The following CNBD1 variants were observed in gnomAD, a reference collection of about 807,000 sequenced individuals.
CNBD1 encodes cyclic nucleotide-binding domain-containing protein 1.
Under a neutral mutation model 54.4 loss-of-function variants are expected in CNBD1, and 71 were observed. The ratio of observed to expected loss-of-function variants is 1.30; its 90% CI spans 1.08 to 1.59. The LOEUF is 1.59. CNBD1 is among the 40% of genes most tolerant of loss of function. The probability of loss-of-function intolerance (pLI) is 0.00; values close to 1 mark genes in which losing one functional copy is unlikely to be tolerated. For missense variants in CNBD1, 659 were observed against 518.0 expected (o/e 1.27, Z -2.64); for synonymous variants, 182 against 170.7 (o/e 1.07, Z -0.51).
intron 3 of CNBD1, among the ~76,000 whole-genome samples, chr8:86,924,304 A>C (rs893961708): frequency 2.6e-5 from 4 of 152,148 alleles, no homozygotes; most frequent in African/African-American, 9.7e-5. Context: ...ACAATTAGTA[A>C]TAATTGTAGG....
In CNBD1 at chr8:87,185,994, G is replaced by A. The variant is rs73265808; in HGVS notation, c.432-19999G>A. ...TAGTTTTTAACTTTATTTGTTCCTC[G>A]TTTCCAAGGTTTACTGTTTGTCTTT... On this transcript the variant is annotated intron_variant, in intron 4 of 10. Coordinates refer to ENST00000518476, the MANE Select transcript of CNBD1 (RefSeq NM_173538.3). 7.4e-3 allele frequency among the ~76,000 whole-genome samples: 1,119 copies of A among 151,918 alleles called. 10 individuals carry two copies. Among genetic ancestry groups the A allele is most frequent in the African/African-American group, 0.025 (1,055 of 41,440 alleles).
rs1807598104 is a variant in CNBD1, at chr8:87,237,025, A to G, written c.684A>G (p.Ile228Met). 9 of 1,612,292 alleles carry G rather than the reference A, an allele frequency of 5.6e-6. No homozygotes were observed. Among genetic ancestry groups the G allele is most frequent in the African/African-American group, 1.3e-5 (1 of 74,876 alleles). The change falls in exon 6 of 11, where the codon ATA becomes ATG. Residue 228 changes from isoleucine (I) to methionine (M), a missense_variant. Transcript: ENST00000518476. Reference sequence around the variant, plus strand: ...GAAGTGATTCACCAGACTCGTTCATATCTCAGAGTTTCCACAGCTTCATTT... The same window carrying G: ...GAAGTGATTCACCAGACTCGTTCATGTCTCAGAGTTTCCACAGCTTCATTT... ...IEGSDSPDSFISQSFHSFIWS... is the reference protein window; with the variant it reads ...IEGSDSPDSFMSQSFHSFIWS...
intron 4 of CNBD1, among the ~76,000 whole-genome samples, chr8:87,123,534 C>A (rs1366135094): frequency 6.6e-6 from 1 of 151,516 alleles, no homozygotes; most frequent in Non-Finnish European, 1.5e-5. Flanking sequence ...CTAATAAGGA[C>A]ATTTATAGCA....
intron 4 of CNBD1, among the ~76,000 whole-genome samples, chr8:87,051,563 A>G (rs1187905205): frequency 6.6e-6 from 1 of 152,248 alleles, no homozygotes; most frequent in Non-Finnish European, 1.5e-5. Flanking sequence ...CATTGTTTCT[A>G]TAGATTATAG....
At chr8:87,013,976 A>C (rs1027715484) in intron 4 of CNBD1, among the ~76,000 whole-genome samples, 18 of 149,482 alleles carry the variant, frequency 1.2e-4, no homozygotes, top group Admixed American at 6.7e-5. Flanking sequence ...GTCTAAAATA[A>C]AAAAAAAAGG....
intron 2 of CNBD1, among the ~76,000 whole-genome samples, chr8:87,410,310 A>G (rs1807719998): frequency 6.6e-6 from 1 of 152,146 alleles, no homozygotes; most frequent in African/African-American, 2.4e-5. Context: ...TTTCATTAGG[A>G]TATAGCTCCC....
intron 8 of CNBD1, among the ~76,000 whole-genome samples, chr8:87,331,051 T>A (rs1251559342): frequency 6.6e-6 from 1 of 152,186 alleles, no homozygotes; most frequent in African/African-American, 2.4e-5. Flanking sequence ...TTTCTTTTTT[T>A]ATTCTTTATT....
At chr8:86,887,318 A>G (rs966404490) in intron 1 of CNBD1, among the ~76,000 whole-genome samples, 1 of 152,220 alleles carries the variant, frequency 6.6e-6, no homozygotes, top group Non-Finnish European at 1.5e-5. Flanking sequence ...AATAAAAAAA[A>G]ATGCCAGACC....
intron 8 of CNBD1, among the ~76,000 whole-genome samples, chr8:87,336,710 C>A (rs546762949): frequency 6.6e-6 from 1 of 152,182 alleles, no homozygotes; most frequent in Admixed American, 6.5e-5. Flanking sequence ...ATTCTTCCAT[C>A]TTATCCCCTG....
rs1339259103 is a variant in CNBD1 at position 87,182,955 on chromosome 8, CTT to C, written c.432-23036_432-23035del. 6.6e-6 allele frequency among the ~76,000 whole-genome samples: 1 copy of C among 152,080 alleles called. No individual in the cohort carries two copies. The highest frequency in any genetic ancestry group is 2.4e-5 in the African/African-American group (1 of 41,422). ...GTTTTGTTACAATTGCTTTTGGAGA[CTT>C]TGACATGAAATTTTTGCTAAGTCCT... On this transcript the variant is annotated intron_variant, in intron 4 of 10. Coordinates refer to ENST00000518476, the MANE Select transcript of CNBD1 (RefSeq NM_173538.3). This position sits in a 1 kb window ranked among gnomAD's most constrained non-coding sequence, Gnocchi z 4.1.
In CNBD1 at chr8:87,395,469, G is replaced by T. The variant is rs142875606; in HGVS notation, c.214-33077G>T. Among the ~76,000 whole-genome samples, 52 of 151,998 alleles carry T rather than the reference G, an allele frequency of 3.4e-4. 1 individual carries two copies. In the East Asian group the frequency reaches 9.5e-3, roughly 28 times the overall value. ...GTATTCATTTTCTAATATGTGCCAA[G>T]TAATGTGAAAATGCTACAATAAAGG... is the stretch of plus-strand genomic sequence containing the variant. On this transcript the variant is annotated intron_variant, in intron 2 of 7. Coordinates refer to the CNBD1 transcript ENST00000521593.
intron 4 of CNBD1, among the ~76,000 whole-genome samples, chr8:87,149,971 C>G (rs1423153197): frequency 6.6e-6 from 1 of 151,938 alleles, no homozygotes; most frequent in African/African-American, 2.4e-5. Context: ...GTCAGGAGAT[C>G]GAGACCATCC....
At chr8:87,200,121 C>T (rs76117640) in intron 4 of CNBD1, among the ~76,000 whole-genome samples, 3,584 of 152,176 alleles carry the variant, frequency 0.024, 125 homozygotes, top group African/African-American at 0.069. Context: ...GGGCTACCAT[C>T]CATTGTACCA....
chr8:86,992,721 T>C (rs1035058237), intron 4 of CNBD1, among the ~76,000 whole-genome samples: 3 of 152,142 alleles, frequency 2.0e-5, no homozygotes, highest in Non-Finnish European at 2.9e-5. Flanking sequence ...CCTTCACTTA[T>C]GAAACTTACT....
intron 4 of CNBD1, among the ~76,000 whole-genome samples, chr8:87,006,894 T>C (rs1340556486): frequency 2.0e-5 from 3 of 152,234 alleles, no homozygotes; most frequent in African/African-American, 2.4e-5. Context: ...AATTGAACAT[T>C]GTACAATAAA....
intron 4 of CNBD1, among the ~76,000 whole-genome samples, chr8:87,083,581 A>ATTTTTTTTTTTTTTTTTTTTTT (rs1462355290): frequency 7.7e-6 from 1 of 129,422 alleles, no homozygotes; most frequent in African/African-American, 3.0e-5. Flanking sequence ...AAACCAATGT[A>ATTTTTTTTTTTTTTTTTTTTTT]TTTCTTTTTT....
At chr8:86,879,900 GA>G (rs1431887122) in intron 1 of CNBD1, among the ~76,000 whole-genome samples, 3 of 151,950 alleles carry the variant, frequency 2.0e-5, no homozygotes, top group African/African-American at 2.4e-5. Flanking sequence ...AAGACGGAGA[GA>G]ATGGGGGAGG....
chr8:86,999,893 C>T (rs1808957618), intron 4 of CNBD1, among the ~76,000 whole-genome samples: 1 of 152,316 alleles, frequency 6.6e-6, no homozygotes, highest in South Asian at 2.1e-4. Context: ...ACCAGGGGCA[C>T]AGTTGCTTAG....
Position 87,353,648 on chromosome 8 carries a change from A to T in CNBD1, c.1165A>T (p.Lys389Ter). ...LRSNKVKRSQ[K>*]LVYMGKLKEK... Reference sequence around the variant, plus strand: ...ATTTTTTTAACAGAAAAGATCTCAAAAACTTGTTTATATGGGGAAACTTAA... The same window carrying T: ...ATTTTTTTAACAGAAAAGATCTCAATAACTTGTTTATATGGGGAAACTTAA... The change falls in exon 10 of 11, where the codon AAA (lysine) becomes TAA (stop). Residue 389 changes from lysine to a stop codon, truncating the protein, a stop_gained. Transcript: ENST00000518476. LOFTEE classifies it high-confidence loss of function. 1 of 1,583,100 alleles carries T rather than the reference A, an allele frequency of 6.3e-7. No homozygotes were observed. Among genetic ancestry groups the T allele is most frequent in the Non-Finnish European group, 8.6e-7 (1 of 1,165,722 alleles).
Sources: allele counts gnomAD v4.1 joint callset (sites outside exome capture counted in the v4.1 genomes callset), GRCh38; gene constraint gnomAD v4.1.1; non-coding constraint Gnocchi (gnomAD v3.1); transcripts MANE v1.5; gene names NCBI Gene and HGNC (gene_info 2026-07-23, HGNC 2026-07-21).